GGT5: variants seen among roughly 807,000 people sequenced by gnomAD.
GGT5 encodes gamma-glutamyltransferase 5.
GGT5 carries 50 observed loss-of-function variants against 58.1 expected under a neutral mutation model. The ratio of observed to expected loss-of-function variants is 0.86; its 90% CI spans 0.69 to 1.09. The LOEUF (loss-of-function observed/expected upper bound fraction) is 1.09, where lower values mean the gene tolerates loss of function less well. GGT5 is among the 50% of genes least tolerant of loss of function. The pLI is 0.00. For missense variants in GGT5, 800 were observed against 789.4 expected, an observed-to-expected ratio of 1.01 and a Z score of -0.16; for synonymous variants, 370 against 346.1, an observed-to-expected ratio of 1.07 and a Z score of -0.77.
rs1199361655 is a variant in GGT5, at chr22:24,226,068, C to T, written c.1229+8G>A. On this transcript the variant is annotated splice_region_variant and intron_variant, in intron 8 of 11. Coordinates refer to ENST00000327365, the MANE Select transcript of GGT5 (RefSeq NM_004121.5). ...GAAGCCATCCGCCTTCCCCCAGGCC[C>T]TACGCACGGTGTGTTGATGGTGCTG... 6.4e-7 allele frequency: 1 copy of T among 1,569,354 alleles called. No homozygotes were observed. Among genetic ancestry groups the T allele is most frequent in the Non-Finnish European group, 8.7e-7 (1 of 1,153,762 alleles).
chr22:24,235,542 C>T lies in GGT5; in HGVS notation c.174-1538G>A, dbSNP rs548371445. Among the ~76,000 whole-genome samples the T allele has an allele frequency of 1.1e-3, 170 of 152,314 alleles. 2 individuals carry two copies. The highest frequency in any genetic ancestry group is 4.0e-3 in the African/African-American group (165 of 41,576). On this transcript the variant is annotated intron_variant, in intron 1 of 11. Transcript: ENST00000327365. Reference sequence around the variant, plus strand: ...CCACCCCAGCTCCTGAGCCACATGTCCCTCTCTGGGCCCACACGTGGCACA... The same window carrying T: ...CCACCCCAGCTCCTGAGCCACATGTTCCTCTCTGGGCCCACACGTGGCACA...
intron 1 of GGT5, among the ~76,000 whole-genome samples, chr22:24,240,318 T>C (rs950431325): frequency 1.3e-5 from 2 of 152,142 alleles, no homozygotes; most frequent in African/African-American, 4.8e-5. Flanking sequence ...GGAAAACAAG[T>C]TGGTGGTGGG....
intron 1 of GGT5, 21 bp from the exon 2 acceptor site, chr22:24,234,025 T>A: frequency 6.3e-7 from 1 of 1,586,178 alleles, no homozygotes; most frequent in Non-Finnish European, 8.6e-7. Context: ...TGGCACAGAG[T>A]CGCTGTGGGG....
intron 1 of GGT5, chr22:24,241,107 A>G (rs529860683): frequency 2.6e-5 from 4 of 151,296 alleles, no homozygotes; most frequent in African/African-American, 9.8e-5. Flanking sequence ...CGGTGAGCCA[A>G]GATCGTGCTA....
At chr22:24,222,352 A>AT (rs1569351528) in intron 11 of GGT5, among the ~76,000 whole-genome samples, 1 of 152,100 alleles carries the variant, frequency 6.6e-6, no homozygotes, top group African/African-American at 2.4e-5. Flanking sequence ...ACGTTTGGCT[A>AT]TGAGTTCCCC....
intron 11 of GGT5, among the ~76,000 whole-genome samples, chr22:24,222,983 GGGAGGATGAGGCA>G (rs2047644122): frequency 6.8e-6 from 1 of 146,056 alleles, no homozygotes; most frequent in African/African-American, 2.8e-5. Context: ...AGGATGAGGC[GGGAGGATGAGGCA>G]GGGGAATGGC....
rs1238101591 is a variant in GGT5 at position 24,226,765 on chromosome 22, A to T, written c.904T>A (p.Phe302Ile). ...LSFILNVLRG[F>I]NFSTESMARP... ...GCCATAGACTCTGTTGAGAAGTTGA[A>T]CCCTGGAGAGAGGTTGGGGCACAGG... Residue 302 changes from phenylalanine (F) to isoleucine (I), a missense_variant and splice_region_variant, in exon 7 of 12, where the codon TTC becomes ATC. Coordinates refer to ENST00000327365, the MANE Select transcript of GGT5 (RefSeq NM_004121.5). 1 of 1,613,832 alleles carries T rather than the reference A, an allele frequency of 6.2e-7. No homozygotes were observed. The highest frequency in any genetic ancestry group is 8.5e-7 in the Non-Finnish European group (1 of 1,179,890).
At chr22:24,229,924 A>C (rs143424328) in intron 6 of GGT5, among the ~76,000 whole-genome samples, 2,341 of 151,836 alleles carry the variant, frequency 0.015, 46 homozygotes, top group African/African-American at 0.051. Flanking sequence ...CTTGTTCCCC[A>C]AAAACTAATG....
intron 4 of GGT5, 42 bp from the exon 5 acceptor site, chr22:24,232,250 A>T (rs1201960202): frequency 1.6e-6 from 2 of 1,234,784 alleles, no homozygotes; most frequent in South Asian, 2.9e-5. Context: ...CAGGTCCCAG[A>T]GGCAGCCACA....
Position 24,219,900 on chromosome 22 carries a change from C to G in GGT5, c.*70G>C. 6.6e-7 allele frequency: 1 copy of G among 1,508,696 alleles called. No individual in the cohort carries two copies. The highest frequency in any genetic ancestry group is 9.1e-7 in the Non-Finnish European group (1 of 1,094,202). 93.5% of individuals were successfully genotyped at this position (1,508,696 alleles called of 1,614,324 possible). ...CAGATCCTGCCAGAGTAGTTGGTCC[C>G]CCAGCCATGTCCGGCCTGGACACAG... On this transcript the variant is annotated 3_prime_UTR_variant, in exon 12 of 12. Coordinates refer to ENST00000327365, the MANE Select transcript of GGT5 (RefSeq NM_004121.5).
chr22:24,222,801 G>C (rs2047629857), intron 11 of GGT5, among the ~76,000 whole-genome samples: 1 of 152,198 alleles, frequency 6.6e-6, no homozygotes, highest in South Asian at 2.1e-4. Flanking sequence ...GGAGGGGCCG[G>C]GCGCGGTGGC....
In GGT5 at chr22:24,237,181, G is replaced by T. The variant is rs189967199; in HGVS notation, c.174-3177C>A. On this transcript the variant is annotated intron_variant, in intron 1 of 11. Transcript: ENST00000327365. Reference sequence around the variant, plus strand: ...CTCCTGAGTAGCTGGGACTATAGGCGTGAGCCACCACACCTGGTCTAGAGC... The same window carrying T: ...CTCCTGAGTAGCTGGGACTATAGGCTTGAGCCACCACACCTGGTCTAGAGC... Among the ~76,000 whole-genome samples, 3 of 152,054 alleles carry T rather than the reference G, an allele frequency of 2.0e-5. No homozygotes were observed. The East Asian group carries it at 5.8e-4, about 29-fold the overall frequency.
At position 24,228,076 on chromosome 22, in the gene GGT5, A is replaced by C. The variant is rs560350946; in HGVS notation, c.902-1309T>G. Among the ~76,000 whole-genome samples the C allele has an allele frequency of 1.4e-3, 204 of 146,268 alleles. 3 individuals carry two copies. Among genetic ancestry groups the C allele is most frequent in the South Asian group, 1.9e-3 (9 of 4,686 alleles). ...AAAAAAAAAAAAAAAACAAAACAAA[A>C]AAAAAAAAACTCTGAAAAATAGAGC... On this transcript the variant is annotated intron_variant, in intron 6 of 11. Coordinates refer to ENST00000327365, the MANE Select transcript of GGT5 (RefSeq NM_004121.5).
Position 24,232,209 on chromosome 22 carries a change from CTGGGGGG to C in GGT5, c.597-8_597-2del. The stretch of plus-strand genomic sequence containing the variant: ...TTCTGTCCCGTTGAAGAAGAGCTGG[CTGGGGGG>C]TGGGGGGAGCCTCAGGGTGGGGCCA... On this transcript the variant is annotated splice_acceptor_variant and splice_polypyrimidine_tract_variant and intron_variant, in intron 4 of 11. Transcript: ENST00000327365. LOFTEE classifies it high-confidence loss of function. The C allele has an allele frequency of 1.4e-5, 14 of 1,018,476 alleles. No individual in the cohort carries two copies. The highest frequency in any genetic ancestry group is 1.8e-5 in the Non-Finnish European group (13 of 723,536). The allele number at this position is 1,018,476 out of a possible 1,614,324, so 63.1% of individuals were successfully genotyped here. A position where few individuals can be genotyped will look rare whatever the true frequency, so the allele number is the denominator to read the frequency against.
intron 11 of GGT5, among the ~76,000 whole-genome samples, chr22:24,222,192 C>G (rs994270035): frequency 2.0e-5 from 3 of 151,168 alleles, no homozygotes; most frequent in Non-Finnish European, 4.4e-5. Context: ...AACAACAAGC[C>G]AAAAAAACAA....
intron 4 of GGT5, among the ~76,000 whole-genome samples, 190 bp downstream of exon 4, chr22:24,232,633 A>G (rs1935432691): frequency 6.6e-6 from 1 of 152,088 alleles, no homozygotes; most frequent in South Asian, 2.1e-4. Context: ...AACTCCCCGC[A>G]GCCTAACCCC....
chr22:24,225,020 C>A lies in GGT5; in HGVS notation c.1590G>T (p.Val530=), dbSNP rs1178186014. Residue 530 remains valine, a synonymous_variant, in exon 11 of 12, where the codon GTG becomes GTT. Transcript: ENST00000327365. The part of the protein sequence containing the change: ...PILHVNSKGC[V]EYEPNFSQEV... ...CCTGGCTGAAGTTGGGCTCGTACTC[C>A]ACACAGCCCTTGCTGTTGACATGCA... 6.3e-7 allele frequency: 1 copy of A among 1,596,550 alleles called. No homozygotes were observed. The highest frequency in any genetic ancestry group is 1.7e-4 in the Middle Eastern group (1 of 6,036).
chr22:24,238,259 G>T (rs1424376149), intron 1 of GGT5, among the ~76,000 whole-genome samples: 1 of 151,212 alleles, frequency 6.6e-6, no homozygotes, highest in East Asian at 1.9e-4. Flanking sequence ...GCCAGGCGCG[G>T]TGACTCACGC....
chr22:24,229,842 T>G (rs1191175297), intron 6 of GGT5, among the ~76,000 whole-genome samples: 10 of 147,554 alleles, frequency 6.8e-5, no homozygotes, highest in East Asian at 2.0e-4. Flanking sequence ...CAGAGTGAGA[T>G]TCCATCTCAA....
Sources: gnomAD v4.1 joint callset for allele counts (sites outside exome capture counted in the v4.1 genomes callset) on GRCh38, gnomAD v4.1.1 for gene constraint, MANE v1.5 for transcripts, NCBI Gene and HGNC (gene_info 2026-07-23, HGNC 2026-07-21) for gene names.